TLN2: variants seen among roughly 807,000 people sequenced by gnomAD.
TLN2 encodes talin 2, also known as talin-2.
In TLN2, 118 loss-of-function variants were observed where a neutral mutation model predicts 294.7. The observed-to-expected ratio is 0.40, with a 90% CI of 0.34 to 0.47. TLN2 has a LOEUF of 0.47. Ranked by LOEUF, TLN2 falls within the 20% of genes least tolerant of loss-of-function variation. The probability of loss-of-function intolerance (pLI) is 0.84; values close to 1 mark genes in which losing one functional copy is unlikely to be tolerated. For synonymous variants in TLN2, 1,431 were observed against 1,304.5 expected (o/e 1.10, Z -2.09); for missense variants, 3,083 against 3,282.2 (o/e 0.94, Z 1.48).
chr15:62,813,596 A>G (rs1329705518), intron 52 of TLN2, among the ~76,000 whole-genome samples: 2 of 152,222 alleles, frequency 1.3e-5, no homozygotes, highest in African/African-American at 2.4e-5. Flanking sequence ...CAAGATTAAA[A>G]GTTACCTCCA....
intron 54 of TLN2, among the ~76,000 whole-genome samples, chr15:62,825,852 T>TTATATATATA (rs374380687): frequency 2.2e-5 from 2 of 89,532 alleles, no homozygotes; most frequent in African/African-American, 1.2e-4. Context: ...TATAAATATA[T>TTATATATATA]TATATATATA....
intron 1 of TLN2, among the ~76,000 whole-genome samples, chr15:62,487,135 C>G (rs947093448): frequency 3.3e-5 from 5 of 152,200 alleles, no homozygotes; most frequent in African/African-American, 1.2e-4. Flanking sequence ...TTTGACAGTT[C>G]TGTCAATGCT....
chr15:62,773,330 A>G (rs1273525309), intron 42 of TLN2, among the ~76,000 whole-genome samples: 1 of 151,916 alleles, frequency 6.6e-6, no homozygotes, highest in African/African-American at 2.4e-5. Flanking sequence ...CCTCTGCTTG[A>G]AAGTGGTGTC....
intron 45 of TLN2, among the ~76,000 whole-genome samples, chr15:62,788,867 C>T (rs985547069): frequency 6.6e-6 from 1 of 152,176 alleles, no homozygotes; most frequent in Non-Finnish European, 1.5e-5. Context: ...TTGACCATCC[C>T]ATCAGCCCCC....
chr15:62,445,726 T>G (rs1195189826), intron 1 of TLN2, among the ~76,000 whole-genome samples: 1 of 152,002 alleles, frequency 6.6e-6, no homozygotes, highest in Non-Finnish European at 1.5e-5. Flanking sequence ...TGCAATGGCC[T>G]GATCACAGTT....
intron 1 of TLN2, among the ~76,000 whole-genome samples, chr15:62,505,749 TG>T (rs1295485112): frequency 1.3e-5 from 2 of 152,202 alleles, no homozygotes; most frequent in African/African-American, 4.8e-5. Flanking sequence ...AATTTACAAC[TG>T]GTACATGAGG....
chr15:62,411,996 G>A (rs758053607), intron 1 of TLN2, among the ~76,000 whole-genome samples: 11 of 152,132 alleles, frequency 7.2e-5, no homozygotes, highest in Non-Finnish European at 1.3e-4. Context: ...ACAGCTCGCT[G>A]GGCATGCTCT....
intron 1 of TLN2, among the ~76,000 whole-genome samples, chr15:62,572,788 C>T (rs1428685698): frequency 2.8e-5 from 4 of 143,006 alleles, no homozygotes; most frequent in Admixed American, 7.3e-5. Context: ...CCCCCACTGA[C>T]CCTGGGTCTG....
chr15:62,722,498 C>A lies in TLN2; in HGVS notation c.3126+11C>A, dbSNP rs191515270. Reference sequence around the variant, plus strand: ...ACCGCCTCGCAGAAGGCAAGTGGAGCGTGTCATAGGGGTTAACTTGTCAGG... The same window carrying A: ...ACCGCCTCGCAGAAGGCAAGTGGAGAGTGTCATAGGGGTTAACTTGTCAGG... On this transcript the variant is annotated intron_variant, in intron 26 of 58. Transcript: ENST00000636159. 1.9e-6 allele frequency: 3 copies of A among 1,606,242 alleles called. No individual in the cohort carries two copies. In the South Asian group the frequency reaches 3.3e-5, roughly 18 times the overall value.
At chr15:62,720,160 T>A (rs1248911257) in intron 25 of TLN2, among the ~76,000 whole-genome samples, 1 of 152,254 alleles carries the variant, frequency 6.6e-6, no homozygotes, top group Non-Finnish European at 1.5e-5. Flanking sequence ...AGAAAACACG[T>A]AAAATGTTGC....
chr15:62,393,182 A>T (rs2032242538), intron 1 of TLN2, among the ~76,000 whole-genome samples: 1 of 152,156 alleles, frequency 6.6e-6, no homozygotes, highest in East Asian at 1.9e-4. Context: ...TGGGGAAGCC[A>T]CTGGTTTCTC....
In TLN2 at chr15:62,819,650, G is replaced by A; in HGVS notation, c.6877+29G>A. 4 of 1,590,902 alleles carry A rather than the reference G, an allele frequency of 2.5e-6. No individual in the cohort carries two copies. The South Asian group carries it at 3.3e-5, about 13-fold the overall frequency. ...GGCTGGATTCTCACGTCTTGGTGGAGGGCAACCCTCCCAGGCAGTGCTAAT... is the reference window on the plus strand; with the variant it reads ...GGCTGGATTCTCACGTCTTGGTGGAAGGCAACCCTCCCAGGCAGTGCTAAT... On this transcript the variant is annotated intron_variant, in intron 53 of 58. Coordinates refer to ENST00000636159, the MANE Select transcript of TLN2 (RefSeq NM_015059.3).
chr15:62,593,063 G>C (rs1187630748), intron 2 of TLN2, among the ~76,000 whole-genome samples: 1 of 152,170 alleles, frequency 6.6e-6, no homozygotes, highest in African/African-American at 2.4e-5. Context: ...CTGCTATTTA[G>C]GGAGAATTGT....
At chr15:62,465,624 A>G (rs1595870809) in intron 1 of TLN2, among the ~76,000 whole-genome samples, 1 of 152,334 alleles carries the variant, frequency 6.6e-6, no homozygotes, top group Admixed American at 6.5e-5. Context: ...TGGGAATGGC[A>G]AGGTGGTAGC....
At chr15:62,519,802 G>C (rs533501840) in intron 1 of TLN2, among the ~76,000 whole-genome samples, 1 of 152,286 alleles carries the variant, frequency 6.6e-6, no homozygotes, top group African/African-American at 2.4e-5. Context: ...AATTGAAGTT[G>C]TATTTCTAGG....
chr15:62,812,448 T>C (rs1190814287), intron 52 of TLN2, among the ~76,000 whole-genome samples: 2 of 152,194 alleles, frequency 1.3e-5, no homozygotes, highest in Non-Finnish European at 2.9e-5. Flanking sequence ...CCTGCAGCTT[T>C]ATGTCTGACA....
At chr15:62,503,640 G>A (rs906037219) in intron 1 of TLN2, among the ~76,000 whole-genome samples, 4 of 152,210 alleles carry the variant, frequency 2.6e-5, no homozygotes, top group African/African-American at 9.7e-5. Context: ...CCTTGGCTGT[G>A]CTCTGTGGAC....
intron 54 of TLN2, among the ~76,000 whole-genome samples, chr15:62,821,242 G>A (rs1401188979): frequency 1.3e-5 from 2 of 152,226 alleles, no homozygotes; most frequent in South Asian, 2.1e-4. Context: ...GTCTCCAGGG[G>A]CAAAGCCCCA....
chr15:62,687,943 C>A (rs887797794), intron 12 of TLN2: 1 of 152,042 alleles, frequency 6.6e-6, no homozygotes, highest in South Asian at 2.1e-4. Context: ...TTAGAAAAAT[C>A]AAGAAATCAA....
Sources: allele counts gnomAD v4.1 joint callset (sites outside exome capture counted in the v4.1 genomes callset), GRCh38; gene constraint gnomAD v4.1.1; transcripts MANE v1.5; gene names NCBI Gene and HGNC (gene_info 2026-07-23, HGNC 2026-07-21).